Variants in ETS1 observed in about 807,000 individuals in gnomAD.
The protein encoded by ETS1 is protein C-ets-1.
ETS1 carries 15 observed loss-of-function variants against 58.6 expected under a neutral mutation model. The ratio of observed to expected loss-of-function variants is 0.26; its 90% CI spans 0.17 to 0.39. The LOEUF is 0.39. ETS1 is among the 10% of genes least tolerant of loss of function. ETS1 has a pLI of 1.00. For synonymous variants in ETS1, 214 were observed against 218.2 expected (o/e 0.98, Z 0.17); for missense variants, 417 against 610.5 (o/e 0.68, Z 3.34).
chr11:128,554,262 A>G (rs1022111511), intron 3 of ETS1, among the ~76,000 whole-genome samples: 3 of 152,118 alleles, frequency 2.0e-5, no homozygotes, highest in South Asian at 2.1e-4. Flanking sequence ...ATTGCCCCCA[A>G]CTGGTAGAGG....
At chr11:128,573,802 G>T (rs1204456711) in intron 1 of ETS1, among the ~76,000 whole-genome samples, 1 of 152,204 alleles carries the variant, frequency 6.6e-6, no homozygotes, top group East Asian at 1.9e-4. Context: ...TTAGCTACTG[G>T]TCATCATTAC....
intron 2 of ETS1, among the ~76,000 whole-genome samples, chr11:128,570,757 C>T (rs1411222987): frequency 4.6e-5 from 7 of 151,974 alleles, no homozygotes; most frequent in Non-Finnish European, 8.8e-5. Context: ...AAATAATGAC[C>T]TCTATGTGAG....
intron 3 of ETS1, among the ~76,000 whole-genome samples, chr11:128,547,565 A>G (rs1364963313): frequency 6.6e-6 from 1 of 152,164 alleles, no homozygotes; most frequent in Non-Finnish European, 1.5e-5. Context: ...CCTCTCAGGC[A>G]CTACTTCAGC....
chr11:128,563,078 A>G (rs113710188), intron 2 of ETS1, among the ~76,000 whole-genome samples: 1,625 of 152,264 alleles, frequency 0.011, 11 homozygotes, highest in Middle Eastern at 0.034. Flanking sequence ...TGTCTTTAGC[A>G]GAACAGTCTT....
chr11:128,522,282 C>T, intron 3 of ETS1: 4 of 1,117,406 alleles, frequency 3.6e-6, no homozygotes, highest in South Asian at 3.2e-5. Flanking sequence ...TCCTCTCCGC[C>T]GGCGGCTGCC....
chr11:128,471,307 T>C, intron 8 of ETS1, among the ~76,000 whole-genome samples: 1 of 152,270 alleles, frequency 6.6e-6, no homozygotes, highest in East Asian at 1.9e-4. Flanking sequence ...TTGGCCAGTC[T>C]GACTTGGGTC....
intron 1 of ETS1, 86 bp from the exon 2 acceptor site, chr11:128,573,230 C>G: frequency 2.1e-6 from 2 of 957,580 alleles, no homozygotes; most frequent in South Asian, 2.8e-5. Flanking sequence ...AACCTTAGAA[C>G]TAAAAGTCTC....
At chr11:128,511,011 C>T (rs1863379467) in intron 3 of ETS1, among the ~76,000 whole-genome samples, 1 of 152,206 alleles carries the variant, frequency 6.6e-6, no homozygotes, top group African/African-American at 2.4e-5. Context: ...AGCAAACACC[C>T]TATGTCCCAA....
chr11:128,481,794 A>T (rs929773139), intron 7 of ETS1, among the ~76,000 whole-genome samples: 15 of 152,222 alleles, frequency 9.9e-5, no homozygotes, highest in African/African-American at 3.6e-4. Context: ...CCCAAACCTA[A>T]ATTAAATATA....
intron 3 of ETS1, among the ~76,000 whole-genome samples, chr11:128,514,976 T>C (rs1015801805): frequency 4.6e-5 from 7 of 152,244 alleles, no homozygotes; most frequent in Non-Finnish European, 1.0e-4. Context: ...CTTATTCTTG[T>C]CTTTTTTTAA....
chr11:128,471,693 G>C (rs1224257106), intron 8 of ETS1, among the ~76,000 whole-genome samples: 1 of 152,124 alleles, frequency 6.6e-6, no homozygotes, highest in African/African-American at 2.4e-5. Flanking sequence ...TAAGAATTTT[G>C]TTATAAACCA....
chr11:128,565,109 G>A (rs1441467000), intron 2 of ETS1, among the ~76,000 whole-genome samples: 2 of 151,916 alleles, frequency 1.3e-5, no homozygotes, highest in Admixed American at 1.3e-4. Context: ...CCCAAATTTA[G>A]AAGTTGAAAT....
intron 1 of ETS1, among the ~76,000 whole-genome samples, chr11:128,580,304 G>C (rs1864840778): frequency 6.6e-6 from 1 of 151,530 alleles, no homozygotes; most frequent in African/African-American, 2.4e-5. Context: ...GGATGTACCA[G>C]ATTGATGAGT....
chr11:128,521,879 A>G (rs776345090), intron 3 of ETS1: 1 of 1,567,384 alleles, frequency 6.4e-7, no homozygotes, highest in Non-Finnish European at 8.7e-7. Context: ...TCTGGCCGAG[A>G]GCTTGGGTGG....
At chr11:128,536,438 G>C (rs189946631) in intron 3 of ETS1, 2 of 152,186 alleles carry the variant, frequency 1.3e-5, no homozygotes, top group Non-Finnish European at 2.9e-5. Context: ...TATTCAAATA[G>C]TAAGAAGAGA....
chr11:128,574,447 C>G (rs2135583895), intron 1 of ETS1, among the ~76,000 whole-genome samples: 1 of 152,278 alleles, frequency 6.6e-6, no homozygotes, highest in African/African-American at 2.4e-5. Flanking sequence ...TTGATCTCCA[C>G]TACAGCAAAA....
intron 2 of ETS1, among the ~76,000 whole-genome samples, chr11:128,559,928 T>G (rs575442743): frequency 6.6e-6 from 1 of 152,306 alleles, no homozygotes. Context: ...GCATCTTCCT[T>G]TCTTGGCTGC....
intron 3 of ETS1, among the ~76,000 whole-genome samples, chr11:128,510,915 G>A (rs896751508): frequency 6.6e-6 from 1 of 152,188 alleles, no homozygotes; most frequent in Non-Finnish European, 1.5e-5. Context: ...AGGGGCTTAC[G>A]TTTTTTGGTA....
intron 3 of ETS1, among the ~76,000 whole-genome samples, chr11:128,538,931 C>T (rs1864014402): frequency 6.6e-6 from 1 of 152,220 alleles, no homozygotes; most frequent in East Asian, 1.9e-4. Flanking sequence ...TTAAAAATCT[C>T]TATCCACGAC....
Sources: gnomAD v4.1 joint callset for allele counts (sites outside exome capture counted in the v4.1 genomes callset) on GRCh38, gnomAD v4.1.1 for gene constraint, MANE v1.5 for transcripts, NCBI Gene and HGNC (gene_info 2026-07-23, HGNC 2026-07-21) for gene names.